SI: variants seen among roughly 807,000 people sequenced by gnomAD.
SI encodes sucrase-isomaltase, also known as sucrase-isomaltase, intestinal.
Under a neutral mutation model 253.3 loss-of-function variants are expected in SI, and 235 were observed. That is an observed-to-expected ratio of 0.93 (90% confidence interval 0.83 to 1.03). The LOEUF (loss-of-function observed/expected upper bound fraction) is 1.03. Ranked by LOEUF, SI falls within the 50% of genes least tolerant of loss-of-function variation. SI has a pLI of 0.00. For missense variants in SI, 2,442 were observed against 2,211.1 expected, an observed-to-expected ratio of 1.10 and a Z score of -2.09; for synonymous variants, 819 against 712.0, an observed-to-expected ratio of 1.15 and a Z score of -2.39.
chr3:165,033,343 C>T, intron 23 of SI, 52 bp downstream of exon 23: 1 of 1,476,102 alleles, frequency 6.8e-7, no homozygotes, highest in Non-Finnish European at 9.1e-7. Context: ...AAAGAATAAC[C>T]TAGGCATGAA....
At chr3:165,060,761 G>A (rs1479581438) in intron 9 of SI, among the ~76,000 whole-genome samples, 1 of 147,182 alleles carries the variant, frequency 6.8e-6, no homozygotes, top group Admixed American at 6.9e-5. Flanking sequence ...TATATATGAT[G>A]CATAATCATA....
At chr3:165,026,518 C>T (rs564607698) in intron 25 of SI, among the ~76,000 whole-genome samples, 2 of 151,454 alleles carry the variant, frequency 1.3e-5, no homozygotes, top group African/African-American at 4.8e-5. Context: ...TACCCAACAA[C>T]CACAGAAGAT....
intron 37 of SI, among the ~76,000 whole-genome samples, chr3:165,000,928 T>C (rs1718229970): frequency 6.6e-6 from 1 of 151,366 alleles, no homozygotes; most frequent in Non-Finnish European, 1.5e-5. Context: ...TTTCTTGAAA[T>C]ATATTTTAAA....
chr3:165,063,420 T>G (rs1424787616), intron 8 of SI, 22 bp downstream of exon 8: 1 of 1,035,352 alleles, frequency 9.7e-7, no homozygotes. Flanking sequence ...TATAAATATA[T>G]TATCAAATGA....
At chr3:165,059,349 T>C (rs968403000) in intron 10 of SI, 50 bp from the exon 11 acceptor site, 3 of 1,569,224 alleles carry the variant, frequency 1.9e-6, no homozygotes, top group African/African-American at 2.7e-5. Context: ...AAGAGCTCTC[T>C]AATCAAGTCA....
intron 3 of SI, among the ~76,000 whole-genome samples, chr3:165,073,501 G>C (rs1027338330): frequency 6.6e-6 from 1 of 151,934 alleles, no homozygotes; most frequent in South Asian, 2.1e-4. Context: ...AAAATTGCAT[G>C]CTTACTATGA....
chr3:165,070,474 T>C (rs1336633197), intron 3 of SI, among the ~76,000 whole-genome samples: 1 of 150,640 alleles, frequency 6.6e-6, no homozygotes, highest in Non-Finnish European at 1.5e-5. Context: ...CTTATTAGAG[T>C]CTAAAGTGTG....
intron 19 of SI, 152 bp downstream of exon 19, chr3:165,039,735 A>G (rs2108216855): frequency 1.6e-6 from 1 of 644,876 alleles, no homozygotes; most frequent in Non-Finnish European, 2.8e-6. Context: ...TAACATTTTG[A>G]AATTTGTGTC....
chr3:164,979,935 T>C (rs1238377056), intron 47 of SI, among the ~76,000 whole-genome samples: 1 of 151,870 alleles, frequency 6.6e-6, no homozygotes, highest in Non-Finnish European at 1.5e-5. Flanking sequence ...TAATCTAAAG[T>C]AGACTCTAGA....
intron 46 of SI, 56 bp downstream of exon 46, chr3:164,982,946 C>T (rs3762796): frequency 0.12 from 180,826 of 1,506,106 alleles, 11,620 homozygotes; most frequent in South Asian, 0.18. Flanking sequence ...CCACCCCACC[C>T]AGCTGTGAAC....
intron 24 of SI, among the ~76,000 whole-genome samples, chr3:165,031,090 T>C (rs1315509592): frequency 6.7e-6 from 1 of 149,638 alleles, no homozygotes; most frequent in African/African-American, 2.4e-5. Context: ...TTTATGTATA[T>C]ATATACATAT....
At chr3:165,036,605 T>A (rs1204602616) in intron 21 of SI, 128 bp from the exon 22 acceptor site, 4 of 610,438 alleles carry the variant, frequency 6.6e-6, no homozygotes, top group Non-Finnish European at 1.2e-5. Context: ...TTGACATCAA[T>A]AAATTTGTAT....
intron 26 of SI, among the ~76,000 whole-genome samples, chr3:165,022,602 C>CAT (rs1184082066): frequency 6.8e-6 from 1 of 146,850 alleles, no homozygotes; most frequent in Non-Finnish European, 1.5e-5. Context: ...ATCACACATA[C>CAT]ACACACACAC....
chr3:165,065,464 A>AATATATAT lies in SI; in HGVS notation c.636-40_636-33dup, dbSNP rs66946322. ...CATAAAAGAAATAAAGAAATAATCT[A>AATATATAT]ATATATATATATATATATATATATA... is the stretch of plus-strand genomic sequence containing the variant. On this transcript the variant is annotated intron_variant, in intron 6 of 47. Transcript: ENST00000264382. 322 of 209,560 alleles carry AATATATAT rather than the reference A, an allele frequency of 1.5e-3. 21 individuals are homozygous for AATATATAT. The highest frequency in any genetic ancestry group is 6.2e-3 in the East Asian group (29 of 4,670). The allele number at this position is 209,560 out of a possible 1,614,324, so 13.0% of individuals were successfully genotyped here. A position where few individuals can be genotyped will look rare whatever the true frequency, so the allele number is the denominator to read the frequency against.
chr3:165,071,128 C>T (rs1406751622), intron 3 of SI, among the ~76,000 whole-genome samples: 1 of 152,118 alleles, frequency 6.6e-6, no homozygotes, highest in Non-Finnish European at 1.5e-5. Context: ...TTCTGGAAAA[C>T]TATATTCCCA....
At position 165,059,299 on chromosome 3, in the gene SI, C is replaced by A. The variant is rs1713870011; in HGVS notation, c.1147G>T (p.Asp383Tyr). Residue 383 changes from aspartate to tyrosine, a missense_variant and splice_region_variant, in exon 11 of 48, where the codon GAT (aspartate) becomes TAT (tyrosine). Transcript: ENST00000264382. ...RRNREAGIPF[D>Y]TQVTDIDYME... ...TAGTCAATATCAGTGACCTGTGTAT[C>A]CTGAAAGTTAGAAGATTGTATTTCA... 6.2e-7 allele frequency: 1 copy of A among 1,611,980 alleles called. No individual in the cohort carries two copies. The highest frequency in any genetic ancestry group is 1.3e-5 in the African/African-American group (1 of 74,894).
At chr3:165,032,381 A>C (rs1240558980) in intron 24 of SI, 141 bp downstream of exon 24, 2 of 567,164 alleles carry the variant, frequency 3.5e-6, no homozygotes, top group East Asian at 5.7e-5. Context: ...AGTGAAGAAA[A>C]AAATGAAGGG....
chr3:165,083,764 C>T, the SI span, among the ~76,000 whole-genome samples: 6 of 151,792 alleles, frequency 4.0e-5, no homozygotes, highest in African/African-American at 1.4e-4. Flanking sequence ...TGTAACTTGC[C>T]AAGTATTTTT....
At chr3:165,082,100 A>T (rs111601078), upstream of SI, among the ~76,000 whole-genome samples, 8 of 152,014 alleles carry the variant, frequency 5.3e-5, no homozygotes, top group African/African-American at 1.9e-4. Flanking sequence ...TTCATACCCA[A>T]ATTTCCAGAT....
Sources: gnomAD v4.1 joint callset for allele counts (sites outside exome capture counted in the v4.1 genomes callset) on GRCh38, gnomAD v4.1.1 for gene constraint, MANE v1.5 for transcripts, NCBI Gene and HGNC (gene_info 2026-07-23, HGNC 2026-07-21) for gene names.